The following UBE2G1 variants were observed in gnomAD, a reference collection of about 807,000 sequenced individuals.
UBE2G1 encodes ubiquitin-conjugating enzyme E2 G1.
UBE2G1 carries 5 observed loss-of-function variants against 22.7 expected under a neutral mutation model. The observed-to-expected ratio is 0.22, with a 90% CI of 0.12 to 0.46. UBE2G1 has a LOEUF of 0.46. Ranked by LOEUF, UBE2G1 falls within the 20% of genes least tolerant of loss-of-function variation. The pLI, the probability that UBE2G1 is intolerant of heterozygous loss-of-function variation, is 0.99. For synonymous variants in UBE2G1, 74 were observed against 67.5 expected (o/e 1.10, Z -0.47); for missense variants, 88 against 203.9 (o/e 0.43, Z 3.46).
intron 2 of UBE2G1, among the ~76,000 whole-genome samples, chr17:4,299,307 G>C (rs1019964661): frequency 7.9e-5 from 12 of 152,182 alleles, no homozygotes; most frequent in African/African-American, 2.9e-4. Context: ...GCTGAGGTAG[G>C]AGAATTGTTG....
At chr17:4,350,157 G>T (rs1392359883) in intron 1 of UBE2G1, among the ~76,000 whole-genome samples, 1 of 152,068 alleles carries the variant, frequency 6.6e-6, no homozygotes, top group Non-Finnish European at 1.5e-5. Context: ...TATGGCTAAT[G>T]TAACTAACTT....
At position 4,293,385 on chromosome 17, in the gene UBE2G1, C is replaced by G. The variant is rs189530139; in HGVS notation, c.247+3332G>C. On this transcript the variant is annotated intron_variant, in intron 3 of 5. Coordinates refer to ENST00000396981, the MANE Select transcript of UBE2G1 (RefSeq NM_003342.5). ...TTCTTTTTATTGCCAAATAATATTC[C>G]GTTATATGGGTCCACATTTTGTTTT... 7.6e-4 allele frequency among the ~76,000 whole-genome samples: 116 copies of G among 152,140 alleles called. 3 individuals carry two copies. In the East Asian group the frequency reaches 0.016, roughly 21 times the overall value.
chr17:4,287,397 T>A (rs113713430), intron 4 of UBE2G1, among the ~76,000 whole-genome samples: 1 of 152,106 alleles, frequency 6.6e-6, no homozygotes, highest in African/African-American at 2.4e-5. Flanking sequence ...CCACCACGCC[T>A]GGCCAACTCT....
intron 1 of UBE2G1, among the ~76,000 whole-genome samples, chr17:4,363,015 CT>C (rs1341828529): frequency 1.3e-5 from 2 of 152,108 alleles, no homozygotes; most frequent in Non-Finnish European, 2.9e-5. Context: ...CCCAGCAACT[CT>C]GAGGCCGAGG....
chr17:4,307,145 A>G (rs750846978), intron 1 of UBE2G1, 22 bp from the exon 2 acceptor site: 12 of 1,592,156 alleles, frequency 7.5e-6, no homozygotes, highest in Non-Finnish European at 1.0e-5. Context: ...GAAAAGTTTA[A>G]TCAATACATT....
intron 5 of UBE2G1, among the ~76,000 whole-genome samples, chr17:4,273,559 G>C (rs1478738370): frequency 1.3e-5 from 2 of 151,884 alleles, no homozygotes; most frequent in African/African-American, 2.4e-5. Flanking sequence ...ACCCAGGCTG[G>C]TCTTGAACTA....
chr17:4,279,792 T>TAC (rs1211710483), intron 5 of UBE2G1, among the ~76,000 whole-genome samples: 1 of 3,570 alleles, frequency 2.8e-4, no homozygotes, highest in East Asian at 0.042. Flanking sequence ...AAGTTATATA[T>TAC]ATATATATAT....
chr17:4,269,577 A>G lies in UBE2G1; in HGVS notation c.*2977T>C, dbSNP rs1342715281. The G allele has an allele frequency of 5.4e-6, 1 of 186,234 alleles. No individual in the cohort carries two copies. Among genetic ancestry groups the G allele is most frequent in the African/African-American group, 2.4e-5 (1 of 41,578 alleles). The allele number at this position is 186,234 out of a possible 1,614,324, so 11.5% of individuals were successfully genotyped here. On this transcript the variant is annotated 3_prime_UTR_variant, in exon 6 of 6. Coordinates refer to ENST00000396981, the MANE Select transcript of UBE2G1 (RefSeq NM_003342.5). ...CTCACAACCAAGAATGAAGGCCGTT[A>G]AAGATACTGACACCCACGTGATCAC...
chr17:4,298,073 T>G (rs933171572), intron 2 of UBE2G1, among the ~76,000 whole-genome samples: 2 of 152,198 alleles, frequency 1.3e-5, no homozygotes, highest in Non-Finnish European at 2.9e-5. Context: ...AAGAAAAATA[T>G]CAGTAGTAAG....
chr17:4,269,727 T>C lies in UBE2G1; in HGVS notation c.*2827A>G. 1 of 186,364 alleles carries C rather than the reference T, an allele frequency of 5.4e-6. No individual in the cohort carries two copies. Among genetic ancestry groups the C allele is most frequent in the Admixed American group, 4.2e-5 (1 of 23,656 alleles). The allele number at this position is 186,364 out of a possible 1,614,324, so 11.5% of individuals were successfully genotyped here. A position where few individuals can be genotyped will look rare whatever the true frequency, so the allele number is the denominator to read the frequency against. ...TCATCTATCCCATACAAGCACAGAC[T>C]GAAATCTATATGCCTCTACGAGAAC... is the stretch of plus-strand genomic sequence containing the variant. On this transcript the variant is annotated 3_prime_UTR_variant, in exon 6 of 6. Transcript: ENST00000396981.
At chr17:4,355,175 T>C (rs1406079003) in intron 1 of UBE2G1, among the ~76,000 whole-genome samples, 3 of 151,852 alleles carry the variant, frequency 2.0e-5, no homozygotes, top group Admixed American at 2.0e-4. Context: ...CTAATTTTTG[T>C]ATTCTTAGTA....
intron 1 of UBE2G1, among the ~76,000 whole-genome samples, chr17:4,329,069 A>C (rs60058039): frequency 0.048 from 6,671 of 140,216 alleles, 559 homozygotes; most frequent in African/African-American, 0.17. Context: ...CGCGCCATGC[A>C]CTCCAGCCTG....
At chr17:4,285,419 T>C (rs1968950684) in intron 4 of UBE2G1, among the ~76,000 whole-genome samples, 1 of 152,276 alleles carries the variant, frequency 6.6e-6, no homozygotes, top group East Asian at 1.9e-4. Context: ...CTCCCTATAA[T>C]ATTAGAAACA....
intron 1 of UBE2G1, chr17:4,331,959 T>G (rs989127724): frequency 7.9e-5 from 12 of 152,126 alleles, no homozygotes; most frequent in African/African-American, 2.7e-4. Flanking sequence ...ATAAATATAT[T>G]ATTTAGAAGC....
intron 2 of UBE2G1, among the ~76,000 whole-genome samples, chr17:4,298,607 G>A (rs1045965447): frequency 4.6e-5 from 7 of 152,078 alleles, no homozygotes; most frequent in African/African-American, 1.7e-4. Flanking sequence ...AATGCCACAG[G>A]ACTCAGAGTA....
At chr17:4,292,776 G>T (rs1424448585) in intron 3 of UBE2G1, among the ~76,000 whole-genome samples, 1 of 151,992 alleles carries the variant, frequency 6.6e-6, no homozygotes, top group South Asian at 2.1e-4. Flanking sequence ...TATATTTTCC[G>T]TAGGAAAACT....
intron 3 of UBE2G1, among the ~76,000 whole-genome samples, chr17:4,291,526 A>G (rs1472012312): frequency 6.6e-6 from 1 of 152,174 alleles, no homozygotes; most frequent in African/African-American, 2.4e-5. Flanking sequence ...ATATGTGTAC[A>G]GAATTCTACC....
intron 5 of UBE2G1, among the ~76,000 whole-genome samples, chr17:4,281,305 T>C (rs1288445651): frequency 6.6e-6 from 1 of 152,178 alleles, no homozygotes; most frequent in Non-Finnish European, 1.5e-5. Context: ...TCATTCCACA[T>C]ATAAACAGTT....
chr17:4,301,921 TG>T, intron 2 of UBE2G1: 1 of 488,942 alleles, frequency 2.0e-6, no homozygotes, highest in Non-Finnish European at 4.1e-6. Context: ...ACACAACCCC[TG>T]GGGTCACACT....
Sources: gnomAD v4.1 joint callset for allele counts (sites outside exome capture counted in the v4.1 genomes callset) on GRCh38, gnomAD v4.1.1 for gene constraint, MANE v1.5 for transcripts, NCBI Gene and HGNC (gene_info 2026-07-23, HGNC 2026-07-21) for gene names.